Variants in TACC2 observed in about 807,000 individuals in gnomAD.
TACC2 encodes the protein transforming acidic coiled-coil-containing protein 2.
TACC2 carries 137 observed loss-of-function variants against 227.3 expected under a neutral mutation model. The observed-to-expected ratio is 0.60, with a 90% CI of 0.52 to 0.69. TACC2 has a LOEUF of 0.69. Ranked by LOEUF, TACC2 falls within the 30% of genes least tolerant of loss-of-function variation. The probability of loss-of-function intolerance (pLI) is 0.00; values close to 1 mark genes in which losing one functional copy is unlikely to be tolerated. For synonymous variants in TACC2, 1,523 were observed against 1,487.5 expected (o/e 1.02, Z -0.55); for missense variants, 3,470 against 3,694.4 (o/e 0.94, Z 1.57).
Position 122,228,017 on chromosome 10 carries a change from AG to A in TACC2, c.7896+10del, listed in dbSNP as rs2095661313. On this transcript the variant is annotated intron_variant, in intron 14 of 22. Coordinates refer to ENST00000369005, the MANE Select transcript of TACC2 (RefSeq NM_206862.4). The stretch of plus-strand genomic sequence containing the variant: ...CAGAAGCGATTGAAATTGTAAGTGG[AG>A]TTGGAGGGCCCCAGATCACAGGGGA... The A allele has an allele frequency of 2.5e-6, 4 of 1,610,144 alleles. No individual in the cohort carries two copies. In the South Asian group the frequency reaches 4.4e-5, roughly 18 times the overall value.
At chr10:122,002,870 A>G (rs555885383) in intron 1 of TACC2, among the ~76,000 whole-genome samples, 2 of 152,198 alleles carry the variant, frequency 1.3e-5, no homozygotes, top group Admixed American at 6.5e-5. Context: ...TTTCTGATCA[A>G]GGTAGCTAGT....
At chr10:122,164,960 C>T (rs891787735) in intron 7 of TACC2, among the ~76,000 whole-genome samples, 3 of 152,132 alleles carry the variant, frequency 2.0e-5, no homozygotes, top group Non-Finnish European at 4.4e-5. Flanking sequence ...GGGGTACTTC[C>T]TCACTGGTCC....
At position 122,143,009 on chromosome 10, in the gene TACC2, G is replaced by A. The variant is rs117186493; in HGVS notation, c.5700-563G>A. 3.2e-3 allele frequency among the ~76,000 whole-genome samples: 481 copies of A among 152,232 alleles called. 1 individual carries two copies. The highest frequency in any genetic ancestry group is 5.3e-3 in the Non-Finnish European group (359 of 68,016). On this transcript the variant is annotated intron_variant, in intron 6 of 22. Transcript: ENST00000369005. ...CCTGGCTGTCCAGCAGGGGGCACTC[G>A]TTCCCTACTCGAGGGCCACACTCCG... is the stretch of plus-strand genomic sequence containing the variant.
At chr10:122,029,010 C>CCCCTT (rs1225417933) in intron 2 of TACC2, among the ~76,000 whole-genome samples, 1 of 83,440 alleles carries the variant, frequency 1.2e-5, no homozygotes, top group South Asian at 5.4e-4. Flanking sequence ...CCCCTCCCCT[C>CCCCTT]CCCTTCCCTT....
chr10:122,170,261 G>GTATT (rs1565493220), intron 7 of TACC2, among the ~76,000 whole-genome samples: 1 of 98,886 alleles, frequency 1.0e-5, no homozygotes, highest in Non-Finnish European at 1.9e-5. Context: ...TGATGATCAA[G>GTATT]TCTTTTTTTT....
chr10:121,989,848 A>G (rs906810354), intron 1 of TACC2, among the ~76,000 whole-genome samples: 4 of 151,644 alleles, frequency 2.6e-5, no homozygotes, highest in African/African-American at 4.8e-5. Flanking sequence ...GCCCAGAACT[A>G]CTGGGCTCAA....
At chr10:122,129,883 C>T (rs1000330787) in intron 5 of TACC2, among the ~76,000 whole-genome samples, 1 of 152,214 alleles carries the variant, frequency 6.6e-6, no homozygotes, top group African/African-American at 2.4e-5. Context: ...TGGGTGCACA[C>T]ATGTGCTAGT....
At position 122,084,032 on chromosome 10, in the gene TACC2, C is replaced by T; in HGVS notation, c.1532C>T (p.Pro511Leu). 6.2e-7 allele frequency: 1 copy of T among 1,614,048 alleles called. No individual in the cohort carries two copies. The highest frequency in any genetic ancestry group is 8.5e-7 in the Non-Finnish European group (1 of 1,180,002). The change falls in exon 4 of 23, where the codon CCA becomes CTA. Residue 511 changes from proline (P) to leucine (L), a missense_variant. By Grantham distance (98) the Pro-to-Leu change is moderately conservative. Coordinates refer to ENST00000369005, the MANE Select transcript of TACC2 (RefSeq NM_206862.4). ...ACGGAGCAAAGCCATGAGGTCCAAC[C>T]AGGAGTACCACCCCCTCCTCTTCCC... Reference protein sequence around the residue: ...LNTEQSHEVQPGVPPPPLPKE... With the variant: ...LNTEQSHEVQLGVPPPPLPKE...
chr10:122,011,053 G>C, intron 1 of TACC2, among the ~76,000 whole-genome samples: 1 of 152,200 alleles, frequency 6.6e-6, no homozygotes, highest in East Asian at 1.9e-4. Flanking sequence ...ATTTAGGTTG[G>C]CTCTTGGGTA....
chr10:122,008,246 GTTATTA>G (rs1554958021), intron 1 of TACC2, among the ~76,000 whole-genome samples: 2 of 111,848 alleles, frequency 1.8e-5, no homozygotes, highest in African/African-American at 3.2e-5. Context: ...CTATCCCTTT[GTTATTA>G]TTATTATTAT....
At chr10:122,019,768 T>G (rs1957111846) in intron 1 of TACC2, 1 of 152,214 alleles carries the variant, frequency 6.6e-6, no homozygotes, top group Non-Finnish European at 1.5e-5. Flanking sequence ...TTGAGGTGTG[T>G]CAGGGCCTCT....
intron 7 of TACC2, among the ~76,000 whole-genome samples, chr10:122,184,263 G>A (rs2094095819): frequency 6.6e-6 from 1 of 152,196 alleles, no homozygotes; most frequent in Non-Finnish European, 1.5e-5. Flanking sequence ...GGCTGGGGGA[G>A]CACTTGGAGG....
intron 16 of TACC2, 78 bp from the exon 17 acceptor site, chr10:122,237,317 A>C: frequency 7.1e-7 from 1 of 1,403,408 alleles, no homozygotes; most frequent in South Asian, 1.4e-5. Flanking sequence ...TGGCCCATTC[A>C]TGAGAGGGTG....
At chr10:122,140,070 C>T (rs2090310910) in intron 6 of TACC2, among the ~76,000 whole-genome samples, 3 of 152,202 alleles carry the variant, frequency 2.0e-5, no homozygotes, top group South Asian at 4.1e-4. Flanking sequence ...TGAATGTGAG[C>T]CCTGGAGCTG....
At chr10:122,124,790 C>T (rs10788247) in intron 5 of TACC2, among the ~76,000 whole-genome samples, 93,252 of 152,190 alleles carry the variant, frequency 0.61, 32,916 homozygotes, top group Non-Finnish European at 0.77. Flanking sequence ...CCCGATTCCG[C>T]AGTCATTGAC....
intron 9 of TACC2, chr10:122,213,309 C>G: frequency 6.2e-7 from 1 of 1,606,252 alleles, no homozygotes; most frequent in Non-Finnish European, 8.5e-7. Flanking sequence ...TTCCTTCTGT[C>G]TGTCTCTCTT....
intron 1 of TACC2, among the ~76,000 whole-genome samples, chr10:122,015,524 C>CA (rs199874286): frequency 0.073 from 11,107 of 151,428 alleles, 773 homozygotes; most frequent in African/African-American, 0.18. Flanking sequence ...AATAAAGAAA[C>CA]AAAAAAACTC....
chr10:122,004,564 C>T (rs1954828884), intron 1 of TACC2, among the ~76,000 whole-genome samples: 2 of 152,152 alleles, frequency 1.3e-5, no homozygotes, highest in Admixed American at 6.5e-5. Context: ...AGACCAGTGA[C>T]TCCTCTGTGG....
rs1464809277 is a variant in TACC2 at position 122,163,870 on chromosome 10, G to C, written c.5834+20164G>C. On this transcript the variant is annotated intron_variant, in intron 7 of 22. Coordinates refer to ENST00000369005, the MANE Select transcript of TACC2 (RefSeq NM_206862.4). ...GCCCCGGCTCCCGGCTGCAGGAATC[G>C]CGCCAGGACGCTGGCCCCGCTCGCG... 6 of 1,522,880 alleles carry C rather than the reference G, an allele frequency of 3.9e-6. No individual in the cohort carries two copies. The African/African-American group carries it at 8.4e-5, about 21-fold the overall frequency. 94.3% of individuals were successfully genotyped at this position (1,522,880 alleles called of 1,614,324 possible). A position where few individuals can be genotyped will look rare whatever the true frequency, so the allele number is the denominator to read the frequency against.
Sources: gnomAD v4.1 joint callset for allele counts (sites outside exome capture counted in the v4.1 genomes callset) on GRCh38, gnomAD v4.1.1 for gene constraint, MANE v1.5 for transcripts, NCBI Gene and HGNC (gene_info 2026-07-23, HGNC 2026-07-21) for gene names.